The following NOS1 variants were observed in gnomAD, a reference collection of about 807,000 sequenced individuals.
NOS1 encodes NOS type I.
Under a neutral mutation model 164.5 loss-of-function variants are expected in NOS1, and 51 were observed. The ratio of observed to expected loss-of-function variants is 0.31; its 90% CI spans 0.25 to 0.39. NOS1 has a LOEUF of 0.39. NOS1 is among the 10% of genes least tolerant of loss of function. The pLI is 1.00. For synonymous variants in NOS1, 719 were observed against 745.8 expected (o/e 0.96, Z 0.59); for missense variants, 1,362 against 1,885.6 (o/e 0.72, Z 5.14).
chr12:117,304,986 G>C, intron 3 of NOS1: 1 of 984,206 alleles, frequency 1.0e-6, no homozygotes, highest in Non-Finnish European at 1.2e-6. Flanking sequence ...GCATTCTATT[G>C]CCTTTTGCCC....
chr12:117,337,800 G>A (rs1366954730), intron 1 of NOS1, among the ~76,000 whole-genome samples: 4 of 152,086 alleles, frequency 2.6e-5, no homozygotes, highest in Non-Finnish European at 5.9e-5. Flanking sequence ...CCAAGTGTCA[G>A]TTAAAATCTA....
At chr12:117,360,663 A>C (rs1011481908) in intron 1 of NOS1, among the ~76,000 whole-genome samples, 18 of 152,172 alleles carry the variant, frequency 1.2e-4, no homozygotes, top group African/African-American at 4.3e-4. Flanking sequence ...GAGCCCTCCC[A>C]GCCTCGGGCC....
chr12:117,222,649 G>T, intron 26 of NOS1, 66 bp downstream of exon 26: 1 of 1,480,876 alleles, frequency 6.8e-7, no homozygotes, highest in South Asian at 1.2e-5. Flanking sequence ...AGGGGTTTCT[G>T]AGAGTAGGAT....
chr12:117,245,444 C>T (rs1053112583), intron 18 of NOS1: 1 of 152,180 alleles, frequency 6.6e-6, no homozygotes, highest in Non-Finnish European at 1.5e-5. Context: ...TAGGGTAACC[C>T]CTACCCCTGT....
At chr12:117,221,476 CTTTCACCATG>C (rs1320408653) in intron 26 of NOS1, among the ~76,000 whole-genome samples, 2 of 150,616 alleles carry the variant, frequency 1.3e-5, no homozygotes, top group Non-Finnish European at 3.0e-5. Flanking sequence ...TAGAGATGGG[CTTTCACCATG>C]TTGGCCAGGT....
chr12:117,327,643 CAGAGT>C (rs1325885588), intron 2 of NOS1, among the ~76,000 whole-genome samples: 4 of 152,168 alleles, frequency 2.6e-5, no homozygotes, highest in African/African-American at 9.7e-5. Context: ...TCCAATGCCA[CAGAGT>C]TCCCCACGCA....
At chr12:117,359,934 A>C (rs1249261868) in intron 1 of NOS1, among the ~76,000 whole-genome samples, 20 of 98,692 alleles carry the variant, frequency 2.0e-4, no homozygotes, top group African/African-American at 6.4e-4. Flanking sequence ...ATATATATAT[A>C]TCAGCAACAC....
chr12:117,232,963 G>C (rs987610378), intron 21 of NOS1, among the ~76,000 whole-genome samples: 1 of 151,040 alleles, frequency 6.6e-6, no homozygotes, highest in Non-Finnish European at 1.5e-5. Context: ...GAACTCCCGG[G>C]CTCAAGTAAT....
chr12:117,256,497 C>T (rs1206026335), intron 16 of NOS1, among the ~76,000 whole-genome samples: 6 of 151,370 alleles, frequency 4.0e-5, no homozygotes, highest in Admixed American at 2.0e-4. Flanking sequence ...AGGCTGGTCT[C>T]GAACTCCTGA....
chr12:117,360,284 G>A (rs1056010995), intron 1 of NOS1, among the ~76,000 whole-genome samples: 20 of 152,196 alleles, frequency 1.3e-4, no homozygotes, highest in African/African-American at 3.9e-4. Context: ...AGCGTCTGGC[G>A]TCCTCTGGGG....
intron 1 of NOS1, among the ~76,000 whole-genome samples, chr12:117,349,366 G>A (rs61938733): frequency 0.028 from 4,305 of 152,252 alleles, 75 homozygotes; most frequent in Non-Finnish European, 0.043. Context: ...TTATCCACTC[G>A]TCCATTGACA....
At chr12:117,318,795 C>T (rs1046317703) in intron 2 of NOS1, among the ~76,000 whole-genome samples, 3 of 152,198 alleles carry the variant, frequency 2.0e-5, no homozygotes, top group African/African-American at 4.8e-5. Context: ...AGGAGGCCGC[C>T]GAGGAGCAGC....
chr12:117,210,787 G>A lies in NOS1; in HGVS notation c.*4522C>T, dbSNP rs1030959578. On this transcript the variant is annotated 3_prime_UTR_variant, in exon 29 of 29. Transcript: ENST00000317775. The stretch of plus-strand genomic sequence containing the variant: ...CTTAGCCAATGTCTACTGGCTGGGG[G>A]TCAGTTTTCCCTCCGGGCATCTGGG... The A allele has an allele frequency of 2.0e-6, 2 of 985,192 alleles. No homozygotes were observed. Among genetic ancestry groups the A allele is most frequent in the Non-Finnish European group, 2.4e-6 (2 of 829,958 alleles). 61.0% of individuals were successfully genotyped at this position (985,192 alleles called of 1,614,324 possible).
At chr12:117,349,950 C>A (rs138856115) in intron 1 of NOS1, among the ~76,000 whole-genome samples, 1 of 152,030 alleles carries the variant, frequency 6.6e-6, no homozygotes, top group African/African-American at 2.4e-5. Context: ...GTCTTGAACT[C>A]CTGAGCTCAA....
chr12:117,235,665 G>C (rs919506091), intron 20 of NOS1, among the ~76,000 whole-genome samples: 1 of 152,180 alleles, frequency 6.6e-6, no homozygotes, highest in Non-Finnish European at 1.5e-5. Flanking sequence ...ATTGATTTTT[G>C]TGTTTCAAGT....
chr12:117,214,175 C>A lies in NOS1; in HGVS notation c.*1134G>T, dbSNP rs1253521811. The A allele has an allele frequency of 1.0e-5, 10 of 985,278 alleles. No individual in the cohort carries two copies. In the African/African-American group the frequency reaches 1.4e-4, roughly 14 times the overall value. The allele number at this position is 985,278 out of a possible 1,614,324, so 61.0% of individuals were successfully genotyped here. A position where few individuals can be genotyped will look rare whatever the true frequency, so the allele number is the denominator to read the frequency against. ...CATTATTTCATCCCCAAGGGTGAAG[C>A]AGCAAGCCCGCTTTGGGGGAATAAA... On this transcript the variant is annotated 3_prime_UTR_variant, in exon 29 of 29. Transcript: ENST00000317775.
chr12:117,278,094 C>A lies in NOS1; in HGVS notation c.1529G>T (p.Cys510Phe), dbSNP rs1873330797. 6.2e-7 allele frequency: 1 copy of A among 1,611,790 alleles called. No homozygotes were observed. ...DPANVQFTEI[C>F]IQQGWKPPRG... is the part of the protein sequence containing the mutation. ...AGGCGGTTTCCAGCCCTGCTGTATG[C>A]ATATCTGCAAGCAGACCCGGCCAGG... The change falls in exon 9 of 29, where the codon TGC becomes TTC. Residue 510 changes from cysteine (C) to phenylalanine (F), a missense_variant. Physicochemically the swap from Cys to Phe is radical, Grantham distance 205. This residue lies in a region of NOS1 where 134 missense variants were observed against 267.3 expected (regional missense o/e 0.50). Transcript: ENST00000317775.
chr12:117,361,408 C>T (rs1877147381), intron 1 of NOS1, 104 bp downstream of exon 1: 1 of 148,546 alleles, frequency 6.7e-6, no homozygotes, highest in East Asian at 2.1e-4. Flanking sequence ...CTTCTTCCCT[C>T]CCCTTGCGTC....
In NOS1 at chr12:117,288,121, G is replaced by C. The variant is rs756569020; in HGVS notation, c.1080C>G (p.Phe360Leu). 8.7e-6 allele frequency: 14 copies of C among 1,614,204 alleles called. 1 individual carries two copies. In the South Asian group the frequency reaches 1.5e-4, roughly 18 times the overall value. The change falls in exon 5 of 29, where the codon TTC (phenylalanine) becomes TTG (leucine). Residue 360 changes from phenylalanine (F) to leucine (L), a missense_variant. Around this residue, in one of 4 missense-constraint regions of NOS1, gnomAD observed 129 missense variants for 186.0 expected, o/e 0.69. Transcript: ENST00000317775. ...GATCAATAAACTCTTTGGCGAGAGG[G>C]AAGAGCTGTCCTTTTGTGCGGACGT... ...PEDVRTKGQLFPLAKEFIDQY... is the reference protein window; with the variant it reads ...PEDVRTKGQLLPLAKEFIDQY...
Sources: allele counts gnomAD v4.1 joint callset (sites outside exome capture counted in the v4.1 genomes callset), GRCh38; gene constraint gnomAD v4.1.1; regional missense constraint gnomAD v4.1.1; transcripts MANE v1.5; gene names NCBI Gene and HGNC (gene_info 2026-07-23, HGNC 2026-07-21).